The following PDE1C variants were observed in gnomAD, a reference collection of about 807,000 sequenced individuals.
PDE1C encodes the protein dual specificity calcium/calmodulin-dependent 3',5'-cyclic nucleotide phosphodiesterase 1C.
A neutral mutation model predicts 93.1 loss-of-function variants in PDE1C; 62 were observed. That is an observed-to-expected ratio of 0.67 (90% CI 0.54 to 0.82). The LOEUF (loss-of-function observed/expected upper bound fraction) is 0.82. PDE1C is among the 40% of genes least tolerant of loss of function. The pLI, the probability that PDE1C is intolerant of heterozygous loss-of-function variation, is 0.00. For synonymous variants in PDE1C, 325 were observed against 310.1 expected, an observed-to-expected ratio of 1.05 and a Z score of -0.50; for missense variants, 742 against 884.6, an observed-to-expected ratio of 0.84 and a Z score of 2.04.
chr7:31,984,525 C>T (rs1390873672), intron 2 of PDE1C, among the ~76,000 whole-genome samples: 1 of 152,110 alleles, frequency 6.6e-6, no homozygotes, highest in African/African-American at 2.4e-5. Context: ...CACCACACGC[C>T]CAACAAAGGT....
intron 2 of PDE1C, among the ~76,000 whole-genome samples, chr7:31,998,795 G>A (rs1785091596): frequency 6.6e-6 from 1 of 152,084 alleles, no homozygotes; most frequent in Non-Finnish European, 1.5e-5. Flanking sequence ...CCAGCCCCTG[G>A]CAAGTTTTAT....
At chr7:31,878,119 AAAT>A (rs1796818670) in intron 4 of PDE1C, 83 bp from the exon 5 acceptor site, 1 of 934,498 alleles carries the variant, frequency 1.1e-6, no homozygotes, top group Non-Finnish European at 1.7e-6. Flanking sequence ...AAGTATTGAC[AAAT>A]AATAAGAAGT....
At chr7:31,732,636 T>TTGTGTG in the PDE1C span, among the ~76,000 whole-genome samples, 11,881 of 102,918 alleles carry the variant, frequency 0.12, 690 homozygotes, top group South Asian at 0.2. Context: ...TCTCCTCTCT[T>TTGTGTG]TCTGTGTGTG....
intron 3 of PDE1C, among the ~76,000 whole-genome samples, chr7:32,117,310 A>C (rs1799038205): frequency 6.6e-6 from 1 of 152,220 alleles, no homozygotes; most frequent in Non-Finnish European, 1.5e-5. Flanking sequence ...AACAACTATA[A>C]GAAAACTATG....
intron 1 of PDE1C, among the ~76,000 whole-genome samples, chr7:32,358,112 GT>G (rs1458448457): frequency 1.3e-5 from 2 of 152,134 alleles, no homozygotes; most frequent in Non-Finnish European, 2.9e-5. Context: ...CTTCTATTAT[GT>G]TTGGCTTTCT....
chr7:31,833,516 A>G (rs958693539), intron 11 of PDE1C, among the ~76,000 whole-genome samples: 3 of 152,166 alleles, frequency 2.0e-5, no homozygotes, highest in Non-Finnish European at 4.4e-5. Context: ...TTTGAACAAA[A>G]TGTTGATAAT....
At chr7:31,715,192 T>C in the PDE1C span, among the ~76,000 whole-genome samples, 1 of 152,012 alleles carries the variant, frequency 6.6e-6, no homozygotes, top group South Asian at 2.1e-4. Flanking sequence ...TGTATTATTA[T>C]TGTTATTATT....
chr7:31,665,483 GTAAGTTCACAAAAGATTTCA>G, the PDE1C span, among the ~76,000 whole-genome samples: 1 of 152,056 alleles, frequency 6.6e-6, no homozygotes, highest in African/African-American at 2.4e-5. Context: ...CTGGTACATA[GTAAGTTCACAAAAGATTTCA>G]TAAGATACTT....
intron 1 of PDE1C, among the ~76,000 whole-genome samples, chr7:32,304,969 G>C (rs1038931434): frequency 6.6e-5 from 10 of 151,944 alleles, no homozygotes; most frequent in African/African-American, 2.4e-4. Flanking sequence ...CATAATCAGG[G>C]GCAAGAGGAA....
At chr7:32,107,628 T>C (rs1798396905) in intron 3 of PDE1C, among the ~76,000 whole-genome samples, 1 of 152,134 alleles carries the variant, frequency 6.6e-6, no homozygotes, top group African/African-American at 2.4e-5. Context: ...TTATCACCAG[T>C]AGACCTACCT....
chr7:31,731,665 G>A, the PDE1C span, among the ~76,000 whole-genome samples: 2 of 152,240 alleles, frequency 1.3e-5, no homozygotes, highest in Admixed American at 6.5e-5. Context: ...TGAGATGACA[G>A]GCGTGAGCCA....
intron 1 of PDE1C, among the ~76,000 whole-genome samples, chr7:32,210,746 A>T (rs1173312181): frequency 6.6e-6 from 1 of 152,206 alleles, no homozygotes; most frequent in Non-Finnish European, 1.5e-5. Flanking sequence ...GGCAATTTTT[A>T]AAAATTAATA....
the PDE1C span, among the ~76,000 whole-genome samples, chr7:31,733,988 A>G: frequency 6.7e-6 from 1 of 149,746 alleles, no homozygotes; most frequent in Admixed American, 6.7e-5. Context: ...TGGGCAACAG[A>G]GTGAGACTCT....
At chr7:32,360,493 T>G (rs908367095) in intron 1 of PDE1C, among the ~76,000 whole-genome samples, 1 of 151,906 alleles carries the variant, frequency 6.6e-6, no homozygotes, top group Non-Finnish European at 1.5e-5. Context: ...CGGTGGAGAG[T>G]GTGCAGCGCT....
chr7:32,084,860 G>A (rs4637714), intron 3 of PDE1C, among the ~76,000 whole-genome samples: 1 of 141,486 alleles, frequency 7.1e-6, no homozygotes, highest in Admixed American at 7.1e-5. Flanking sequence ...GCAGTGTGTA[G>A]AGGGAAATTT....
At chr7:31,715,442 T>C in the PDE1C span, among the ~76,000 whole-genome samples, 22 of 152,198 alleles carry the variant, frequency 1.4e-4, no homozygotes, top group Admixed American at 4.6e-4. Flanking sequence ...TTTCGCCATA[T>C]TGGCCAGGCT....
chr7:31,820,007 T>C (rs1442509551), intron 14 of PDE1C, among the ~76,000 whole-genome samples: 3 of 152,124 alleles, frequency 2.0e-5, no homozygotes, highest in Non-Finnish European at 4.4e-5. Context: ...TTCCTGAAAA[T>C]TTTAGTCAAA....
chr7:31,878,909 A>C, intron 4 of PDE1C, 87 bp downstream of exon 4: 1 of 1,321,728 alleles, frequency 7.6e-7, no homozygotes. Context: ...AAGATAGGAA[A>C]ACTACATTAA....
chr7:31,741,675 G>A, the PDE1C span, among the ~76,000 whole-genome samples: 3 of 152,166 alleles, frequency 2.0e-5, no homozygotes, highest in African/African-American at 7.2e-5. Context: ...TAGCAAGAAA[G>A]TTTTGTCTTC....
Sources: allele counts gnomAD v4.1 joint callset (sites outside exome capture counted in the v4.1 genomes callset), GRCh38; gene constraint gnomAD v4.1.1; transcripts MANE v1.5; gene names NCBI Gene and HGNC (gene_info 2026-07-23, HGNC 2026-07-21).